C16orf78: variants seen among roughly 807,000 people sequenced by gnomAD.
C16orf78 encodes the protein uncharacterized protein C16orf78.
A neutral mutation model predicts 27.3 loss-of-function variants in C16orf78; 19 were observed. The observed-to-expected ratio is 0.70, with a 90% CI of 0.49 to 1.02. The LOEUF is 1.02. Ranked by LOEUF, C16orf78 falls within the 50% of genes least tolerant of loss-of-function variation. The pLI is 0.00. For synonymous variants in C16orf78, 130 were observed against 116.1 expected (o/e 1.12, Z -0.77); for missense variants, 339 against 337.0 (o/e 1.01, Z -0.05).
chr16:49,397,062 C>T (rs1023940797), intron 4 of C16orf78, among the ~76,000 whole-genome samples: 1 of 152,182 alleles, frequency 6.6e-6, no homozygotes, highest in Admixed American at 6.5e-5. Flanking sequence ...TGATGGTAGC[C>T]ACCATCCTCA....
intron 3 of C16orf78, among the ~76,000 whole-genome samples, chr16:49,389,380 C>T (rs1049069943): frequency 3.3e-5 from 5 of 150,742 alleles, no homozygotes; most frequent in African/African-American, 1.2e-4. Flanking sequence ...GAGCCGAGGT[C>T]GTGACATTGT....
rs376631461 is a variant in C16orf78 at position 49,377,812 on chromosome 16, C to T, written c.232C>T (p.Arg78Trp). 21 of 1,588,986 alleles carry T rather than the reference C, an allele frequency of 1.3e-5. No individual in the cohort carries two copies. Among genetic ancestry groups the T allele is most frequent in the Middle Eastern group, 1.7e-4 (1 of 5,914 alleles). The change falls in exon 2 of 5, where the codon CGG (arginine) becomes TGG (tryptophan). Residue 78 changes from arginine (R) to tryptophan (W), a missense_variant. Physicochemically the swap from Arg to Trp is moderately radical, Grantham distance 101 (BLOSUM62 -3). Transcript: ENST00000299191. ...GAAAGGCAAAGGCCTCATGACAGCA[C>T]GGGGAGGGAACCGCAGGGACACGGA... is the stretch of plus-strand genomic sequence containing the variant. ...EKKGKGLMTA[R>W]GGNRRDTETS...
chr16:49,390,421 C>T (rs1965398638), intron 3 of C16orf78, among the ~76,000 whole-genome samples: 1 of 152,170 alleles, frequency 6.6e-6, no homozygotes, highest in Non-Finnish European at 1.5e-5. Context: ...AGTCTTTTCT[C>T]TTTGTGTTTC....
rs572815797 is a variant in C16orf78, at chr16:49,398,478, T to C, written c.651-653T>C. ...TCAATGGTCTGATTTTTAAATTGTG[T>C]GGATATTATTAAAAACAAATGCTCA... On this transcript the variant is annotated intron_variant, in intron 4 of 4. Coordinates refer to ENST00000299191, the MANE Select transcript of C16orf78 (RefSeq NM_144602.4). 3.3e-5 allele frequency among the ~76,000 whole-genome samples: 5 copies of C among 152,330 alleles called. No homozygotes were observed. The South Asian group carries it at 1.0e-3, about 32-fold the overall frequency.
At chr16:49,376,930 G>C (rs544285476) in intron 1 of C16orf78, among the ~76,000 whole-genome samples, 1 of 152,010 alleles carries the variant, frequency 6.6e-6, no homozygotes, top group South Asian at 2.1e-4. Context: ...ACCATAAGCA[G>C]CATATTCCCA....
chr16:49,381,910 C>T (rs1183420050), intron 3 of C16orf78, among the ~76,000 whole-genome samples: 1 of 151,420 alleles, frequency 6.6e-6, no homozygotes, highest in Non-Finnish European at 1.5e-5. Flanking sequence ...CATCCCATTA[C>T]TGGGTATATA....
intron 3 of C16orf78, among the ~76,000 whole-genome samples, chr16:49,383,046 C>A (rs1180853075): frequency 6.6e-6 from 1 of 152,270 alleles, no homozygotes; most frequent in African/African-American, 2.4e-5. Context: ...CAGTTCCCTT[C>A]TTTCCACCAT....
At chr16:49,381,297 C>T (rs1156476038) in intron 3 of C16orf78, among the ~76,000 whole-genome samples, 1 of 152,158 alleles carries the variant, frequency 6.6e-6, no homozygotes, top group Non-Finnish European at 1.5e-5. Context: ...TTTGTATCCT[C>T]TTTTATTTCG....
At chr16:49,387,694 T>C (rs111566005) in intron 3 of C16orf78, among the ~76,000 whole-genome samples, 9,116 of 152,250 alleles carry the variant, frequency 0.06, 361 homozygotes, top group Non-Finnish European at 0.088. Flanking sequence ...GTTGTTGTTG[T>C]CGTTGTAGTT....
At chr16:49,386,977 G>T (rs915846417) in intron 3 of C16orf78, among the ~76,000 whole-genome samples, 1 of 152,156 alleles carries the variant, frequency 6.6e-6, no homozygotes, top group Non-Finnish European at 1.5e-5. Context: ...TGGGATTGCT[G>T]GGTTGAATGA....
At chr16:49,383,372 C>A (rs574584598) in intron 3 of C16orf78, among the ~76,000 whole-genome samples, 2 of 152,324 alleles carry the variant, frequency 1.3e-5, no homozygotes, top group African/African-American at 4.8e-5. Context: ...ATACACCATG[C>A]CCAATGTTAG....
At chr16:49,394,868 G>C (rs1870179040) in intron 3 of C16orf78, among the ~76,000 whole-genome samples, 1 of 151,924 alleles carries the variant, frequency 6.6e-6, no homozygotes, top group African/African-American at 2.4e-5. Flanking sequence ...TTGTTTGCTT[G>C]TTTGTTTGTT....
At position 49,378,543 on chromosome 16, in the gene C16orf78, A is replaced by G. The variant is rs138952034; in HGVS notation, c.344A>G (p.His115Arg). The stretch of plus-strand genomic sequence containing the variant: ...TATGGAGTGGAGCAAAAGGGGAAAC[A>G]CCTCAGCATGGTCCCTGGCAGCTAC... ...SLYGVEQKGK[H>R]LSMVPGSYIK... Residue 115 changes from histidine (H) to arginine (R), a missense_variant, in exon 3 of 5, where the codon CAC (histidine) becomes CGC (arginine). Transcript: ENST00000299191. 1.1e-4 allele frequency: 178 copies of G among 1,613,502 alleles called. 2 individuals are homozygous for G. In the African/African-American group the frequency reaches 2.2e-3, roughly 20 times the overall value.
chr16:49,380,388 T>A (rs1965272043), intron 3 of C16orf78, among the ~76,000 whole-genome samples: 1 of 152,212 alleles, frequency 6.6e-6, no homozygotes. Context: ...TAAAAAATAA[T>A]CTAGATTGCC....
intron 3 of C16orf78, among the ~76,000 whole-genome samples, chr16:49,389,778 C>T (rs1280992228): frequency 1.3e-5 from 2 of 152,096 alleles, no homozygotes; most frequent in African/African-American, 4.8e-5. Flanking sequence ...TTATAAACCC[C>T]GCAAGTGTTA....
intron 1 of C16orf78, among the ~76,000 whole-genome samples, chr16:49,376,924 T>C (rs1026440760): frequency 2.6e-5 from 4 of 151,976 alleles, no homozygotes; most frequent in Non-Finnish European, 4.4e-5. Flanking sequence ...CCTGTAACCA[T>C]AAGCAGCATA....
chr16:49,374,818 C>T (rs1440701603), intron 1 of C16orf78, among the ~76,000 whole-genome samples: 1 of 152,156 alleles, frequency 6.6e-6, no homozygotes, highest in Admixed American at 6.5e-5. Flanking sequence ...CCAAGTTTGC[C>T]TTAGTTTTTC....
intron 1 of C16orf78, among the ~76,000 whole-genome samples, chr16:49,374,296 T>A (rs1351944821): frequency 2.6e-5 from 4 of 152,176 alleles, no homozygotes; most frequent in Non-Finnish European, 5.9e-5. Context: ...TTCGCACTTA[T>A]AAATGTTAGG....
chr16:49,391,064 C>T (rs933828477), intron 3 of C16orf78, among the ~76,000 whole-genome samples: 3 of 152,196 alleles, frequency 2.0e-5, no homozygotes, highest in African/African-American at 7.2e-5. Flanking sequence ...GCTACCCCAT[C>T]TTGGCTGAAG....
Sources: allele counts gnomAD v4.1 joint callset (sites outside exome capture counted in the v4.1 genomes callset), GRCh38; gene constraint gnomAD v4.1.1; transcripts MANE v1.5; gene names NCBI Gene and HGNC (gene_info 2026-07-23, HGNC 2026-07-21).